Variants in PNPLA7 observed in about 807,000 individuals in gnomAD.
PNPLA7 encodes the protein patatin-like phospholipase domain-containing protein 7.
PNPLA7 carries 153 observed loss-of-function variants against 161.7 expected under a neutral mutation model. That is an observed-to-expected ratio of 0.95 (90% confidence interval 0.83 to 1.08). The LOEUF (loss-of-function observed/expected upper bound fraction) is 1.08, where lower values mean the gene tolerates loss of function less well. Among genes scored for constraint, PNPLA7 ranks in the 50% least tolerant of loss-of-function variants. The pLI is 0.00. For missense variants in PNPLA7, 1,739 were observed against 1,856.6 expected, an observed-to-expected ratio of 0.94 and a Z score of 1.16; for synonymous variants, 809 against 782.1, an observed-to-expected ratio of 1.03 and a Z score of -0.57.
chr9:137,547,560 C>A lies in PNPLA7; in HGVS notation c.105+25G>T. On this transcript the variant is annotated intron_variant, in intron 2 of 34. Transcript: ENST00000406427. This position sits in a 1 kb window ranked among gnomAD's most constrained non-coding sequence, Gnocchi z 4.6. Reference sequence around the variant, plus strand: ...AAGGCCACGGCCCATCCAGGTCTGGCTCCAGGGAAGCGTGAGGTGATTACC... The same window carrying A: ...AAGGCCACGGCCCATCCAGGTCTGGATCCAGGGAAGCGTGAGGTGATTACC... 1.9e-6 allele frequency: 3 copies of A among 1,612,822 alleles called. No homozygotes were observed. Among genetic ancestry groups the A allele is most frequent in the Non-Finnish European group, 1.7e-6 (2 of 1,179,496 alleles).
rs754002759 is a variant in PNPLA7 at position 137,462,189 on chromosome 9, T to C, written c.3635A>G (p.Asn1212Ser). ...GTGGCCGGCACTCACGCAGATCTCGTTGAACTTGCCGAAGTCCAGGGTGCT... is the reference window on the plus strand; with the variant it reads ...GTGGCCGGCACTCACGCAGATCTCGCTGAACTTGCCGAAGTCCAGGGTGCT... Reference protein sequence around the residue: ...SYSTLDFGKFNEICEVGYQHG... With the variant: ...SYSTLDFGKFSEICEVGYQHG... The change falls in exon 31 of 35, where the codon AAC (asparagine) becomes AGC (serine). Residue 1212 changes from asparagine (N) to serine (S), a missense_variant. Asn to Ser is a conservative substitution (Grantham distance 46, BLOSUM62 1). This residue lies in a region of PNPLA7 where 703 missense variants were observed against 694.6 expected (regional missense o/e 1.01). Transcript: ENST00000406427. 8 of 1,567,626 alleles carry C rather than the reference T, an allele frequency of 5.1e-6. No individual in the cohort carries two copies. In the Admixed American group the frequency reaches 1.1e-4, roughly 21 times the overall value.
rs756829400 is a variant in PNPLA7 at position 137,462,273 on chromosome 9, A to T, written c.3551T>A (p.Leu1184Gln). The change falls in exon 31 of 35, where the codon CTG becomes CAG. Residue 1184 changes from leucine to glutamine, a missense_variant. By Grantham distance (113) the Leu-to-Gln change is moderately radical. Around this residue, in one of 6 missense-constraint regions of PNPLA7, gnomAD observed 703 missense variants for 694.6 expected, o/e 1.01. Transcript: ENST00000406427. ...RLAYVCCVRQLEVVKSSDYCE... is the reference protein window; with the variant it reads ...RLAYVCCVRQQEVVKSSDYCE... ...GTAGTCACTGCTCTTCACCACCTCC[A>T]GCTGCCGCACGCAACACACGTAGGC... 1 of 1,611,886 alleles carries T rather than the reference A, an allele frequency of 6.2e-7. No individual in the cohort carries two copies. The highest frequency in any genetic ancestry group is 8.5e-7 in the Non-Finnish European group (1 of 1,179,362).
chr9:137,543,627 A>G lies in PNPLA7; in HGVS notation c.366-55T>C. On this transcript the variant is annotated intron_variant, in intron 5 of 34. Coordinates refer to ENST00000406427, the MANE Select transcript of PNPLA7 (RefSeq NM_001098537.3). The surrounding 1 kb of genome is among the most constrained non-coding windows in gnomAD (Gnocchi z 6.9). The stretch of plus-strand genomic sequence containing the variant: ...CAGACCAGGCGGGTTCGAAACCCAC[A>G]GCATCAGTGGCTGACACACCAGGCA... The G allele has an allele frequency of 6.2e-7, 1 of 1,607,644 alleles. No homozygotes were observed.
At position 137,467,622 on chromosome 9, in the gene PNPLA7, C is replaced by G. The variant is rs574947094; in HGVS notation, c.2883-149G>C. The G allele has an allele frequency of 3.5e-5, 40 of 1,129,960 alleles. No homozygotes were observed. The African/African-American group carries it at 5.8e-4, about 16-fold the overall frequency. 70.0% of individuals were successfully genotyped at this position (1,129,960 alleles called of 1,614,324 possible). A position where few individuals can be genotyped will look rare whatever the true frequency, so the allele number is the denominator to read the frequency against. On this transcript the variant is annotated intron_variant, in intron 25 of 34. Coordinates refer to ENST00000406427, the MANE Select transcript of PNPLA7 (RefSeq NM_001098537.3). The surrounding 1 kb of genome is among the most constrained non-coding windows in gnomAD (Gnocchi z 5.1). Reference sequence around the variant, plus strand: ...ACTCCAGATGCAGTTTAAAACCCCTCTTTCCGGGCTCACGCCTGTCATCTC... The same window carrying G: ...ACTCCAGATGCAGTTTAAAACCCCTGTTTCCGGGCTCACGCCTGTCATCTC...
chr9:137,497,970 G>A (rs763826663), intron 17 of PNPLA7, 144 bp downstream of exon 17: 4 of 1,288,982 alleles, frequency 3.1e-6, no homozygotes, highest in Non-Finnish European at 4.3e-6. Context: ...AAGCTGGGGT[G>A]GGGCTGGGGA....
chr9:137,546,118 G>A (rs1202984860), intron 4 of PNPLA7, among the ~76,000 whole-genome samples: 3 of 152,184 alleles, frequency 2.0e-5, no homozygotes, highest in Non-Finnish European at 4.4e-5. Flanking sequence ...CTGTCTTTTA[G>A]ATAGCAGTAG....
chr9:137,505,572 C>T, intron 14 of PNPLA7, 42 bp downstream of exon 14: 1 of 1,608,578 alleles, frequency 6.2e-7, no homozygotes, highest in Middle Eastern at 1.7e-4. Flanking sequence ...GGCCACGGGC[C>T]CTGGGTGGGA....
At chr9:137,492,400 C>T (rs1832807138) in intron 20 of PNPLA7, 1 of 907,248 alleles carries the variant, frequency 1.1e-6, no homozygotes, top group African/African-American at 1.8e-5. Flanking sequence ...CCAGTGCTGC[C>T]CACATTGAGA....
At chr9:137,507,771 G>C (rs915392286) in intron 12 of PNPLA7, among the ~76,000 whole-genome samples, 4 of 152,114 alleles carry the variant, frequency 2.6e-5, no homozygotes, top group Non-Finnish European at 5.9e-5. Flanking sequence ...TAAAATACGG[G>C]GGCCAGGCAT....
intron 25 of PNPLA7, among the ~76,000 whole-genome samples, chr9:137,474,856 CAA>C (rs750987273): frequency 1.0e-4 from 11 of 107,270 alleles, no homozygotes; most frequent in Admixed American, 9.7e-5. Context: ...ACTAAAAATA[CAA>C]AAAAAAAAAA....
chr9:137,539,717 C>T (rs911638518), intron 8 of PNPLA7, among the ~76,000 whole-genome samples: 2 of 152,180 alleles, frequency 1.3e-5, no homozygotes, highest in Admixed American at 6.5e-5. Context: ...TATTTTTGCA[C>T]ATTTTTGAAC....
chr9:137,465,554 C>G (rs930027939), intron 26 of PNPLA7, among the ~76,000 whole-genome samples: 16 of 152,216 alleles, frequency 1.1e-4, no homozygotes, highest in African/African-American at 3.9e-4. Flanking sequence ...CTGCTGCATG[C>G]CAGTCCCCAA....
intron 9 of PNPLA7, 127 bp from the exon 10 acceptor site, chr9:137,521,843 A>G: frequency 1.4e-6 from 1 of 694,104 alleles, no homozygotes; most frequent in Middle Eastern, 3.2e-4. Context: ...GAACCCTCTC[A>G]GGGTGAAAAA....
At chr9:137,542,953 T>C in intron 6 of PNPLA7, 152 bp from the exon 7 acceptor site, 1 of 736,402 alleles carries the variant, frequency 1.4e-6, no homozygotes, top group Non-Finnish European at 2.2e-6. Context: ...ACAGCATTAC[T>C]GCCAAACACA....
intron 12 of PNPLA7, among the ~76,000 whole-genome samples, chr9:137,513,887 G>A (rs913835480): frequency 6.6e-6 from 1 of 152,250 alleles, no homozygotes; most frequent in African/African-American, 2.4e-5. Flanking sequence ...CAATCTGAGA[G>A]GGACGCCCAG....
chr9:137,547,306 C>A lies in PNPLA7; in HGVS notation c.193+3G>T. On this transcript the variant is annotated splice_donor_region_variant and intron_variant, in intron 3 of 34. Transcript: ENST00000406427. This position sits in a 1 kb window ranked among gnomAD's most constrained non-coding sequence, Gnocchi z 4.6. ...GGGCCAGAGTCGGAACCAAGATACTCACGAAATTGTCTAAGCCTTCTGAAC... is the reference window on the plus strand; with the variant it reads ...GGGCCAGAGTCGGAACCAAGATACTAACGAAATTGTCTAAGCCTTCTGAAC... The A allele has an allele frequency of 6.2e-7, 1 of 1,613,402 alleles. No homozygotes were observed. Among genetic ancestry groups the A allele is most frequent in the Non-Finnish European group, 8.5e-7 (1 of 1,179,882 alleles).
At chr9:137,542,499 TA>T in intron 7 of PNPLA7, 142 bp downstream of exon 7, 1 of 987,154 alleles carries the variant, frequency 1.0e-6, no homozygotes, top group Non-Finnish European at 1.4e-6. Flanking sequence ...TAATAAAAAA[TA>T]AAAACGGTGA....
chr9:137,472,798 T>C (rs1347417819), intron 25 of PNPLA7, among the ~76,000 whole-genome samples: 4 of 151,158 alleles, frequency 2.6e-5, no homozygotes, highest in Non-Finnish European at 5.9e-5. Flanking sequence ...CTACTAAAAA[T>C]ACAAAAATTA....
intron 12 of PNPLA7, among the ~76,000 whole-genome samples, chr9:137,507,819 C>G (rs1834001871): frequency 6.6e-6 from 1 of 152,106 alleles, no homozygotes; most frequent in Admixed American, 6.6e-5. Context: ...CTCAAGAGGC[C>G]AAGCCGGAAG....
Sources: allele counts gnomAD v4.1 joint callset (sites outside exome capture counted in the v4.1 genomes callset), GRCh38; gene constraint gnomAD v4.1.1; regional missense constraint gnomAD v4.1.1; non-coding constraint Gnocchi (gnomAD v3.1); transcripts MANE v1.5; gene names NCBI Gene and HGNC (gene_info 2026-07-23, HGNC 2026-07-21).